Variants in NFYA observed in about 807,000 individuals in gnomAD.
NFYA encodes the protein CAAT-box DNA binding protein subunit A.
A neutral mutation model predicts 52.8 loss-of-function variants in NFYA; 28 were observed. The observed-to-expected ratio is 0.53, with a 90% CI of 0.39 to 0.73. NFYA has a LOEUF of 0.73. NFYA is among the 30% of genes least tolerant of loss of function. The pLI is 0.00. For missense variants in NFYA, 234 were observed against 427.0 expected (o/e 0.55, Z 3.98); for synonymous variants, 150 against 150.7 (o/e 1.00, Z 0.03).
Position 41,080,887 on chromosome 6 carries a change from C to T in NFYA, c.152C>T (p.Thr51Ile). ...TCCGCCTCAGGCCAGCAAGTCCAGA[C>T]CCTCCAGGTAGTGGTACCCTCTCTG... is the stretch of plus-strand genomic sequence containing the variant. ...VASASGQQVQ[T>I]LQVVQGQPLM... is the part of the protein sequence containing the mutation. Residue 51 changes from threonine (T) to isoleucine (I), a missense_variant, in exon 3 of 10, where the codon ACC (threonine) becomes ATC (isoleucine). Thr to Ile is a moderately conservative substitution (Grantham distance 89). Transcript: ENST00000341376. 1 of 1,613,820 alleles carries T rather than the reference C, an allele frequency of 6.2e-7. No individual in the cohort carries two copies. The highest frequency in any genetic ancestry group is 8.5e-7 in the Non-Finnish European group (1 of 1,179,710).
intron 3 of NFYA, among the ~76,000 whole-genome samples, chr6:41,081,215 C>T (rs1031046159): frequency 6.6e-5 from 10 of 152,046 alleles, no homozygotes; most frequent in Non-Finnish European, 1.5e-4. Flanking sequence ...CTCGGCCGGG[C>T]GCGGTGGCTC....
chr6:41,088,393 A>G (rs935468410), intron 4 of NFYA, among the ~76,000 whole-genome samples: 2 of 141,626 alleles, frequency 1.4e-5, no homozygotes, highest in Non-Finnish European at 3.0e-5. Flanking sequence ...ACTGCACTCC[A>G]GCCTGAGCCA....
At position 41,097,560 on chromosome 6, in the gene NFYA, C is replaced by A. The variant is rs558642478; in HGVS notation, c.*150C>A. On this transcript the variant is annotated 3_prime_UTR_variant, in exon 10 of 10. Coordinates refer to ENST00000341376, the MANE Select transcript of NFYA (RefSeq NM_002505.5). ...GTTTTTAATAAGTGGCTCAGTATTA[C>A]AATTGCAGCGATGCCTGGCAAATTG... The A allele has an allele frequency of 3.8e-5, 28 of 731,940 alleles. No homozygotes were observed. The Admixed American group carries it at 5.8e-4, about 15-fold the overall frequency. The allele number at this position is 731,940 out of a possible 1,614,324, so 45.3% of individuals were successfully genotyped here.
chr6:41,072,981 A>AGCGGCAGTGGCG lies in NFYA; in HGVS notation c.-157_-146dup, dbSNP rs1252285275. ...GTTCGGGTTCGCCATTTTGCTAGGC[A>AGCGGCAGTGGCG]GCGGCAGTGGCGGCGGCAGCGGCGG... On this transcript the variant is annotated 5_prime_UTR_variant, in exon 1 of 10. Transcript: ENST00000341376. 1.3e-5 allele frequency: 2 copies of AGCGGCAGTGGCG among 154,972 alleles called. No individual in the cohort carries two copies. Among genetic ancestry groups the AGCGGCAGTGGCG allele is most frequent in the Non-Finnish European group, 2.9e-5 (2 of 69,200 alleles). The allele number at this position is 154,972 out of a possible 1,614,324, so 9.6% of individuals were successfully genotyped here. A position where few individuals can be genotyped will look rare whatever the true frequency, so the allele number is the denominator to read the frequency against.
In NFYA at chr6:41,097,310, G is replaced by A. The variant is rs376622621; in HGVS notation, c.991-47G>A. On this transcript the variant is annotated intron_variant, in intron 9 of 9. Transcript: ENST00000341376. ...TAAGTAGTGAGAGCCATGAGTTCCT[G>A]TTGCTTTTGCAAAGGACTTTAATCA... 1.4e-5 allele frequency: 23 copies of A among 1,588,364 alleles called. No homozygotes were observed. The African/African-American group carries it at 2.4e-4, about 17-fold the overall frequency.
chr6:41,094,563 A>T, intron 9 of NFYA, 66 bp downstream of exon 9: 1 of 1,220,492 alleles, frequency 8.2e-7, no homozygotes, highest in Non-Finnish European at 1.2e-6. Flanking sequence ...TGAAGCCTTC[A>T]GCAGTGTCCT....
chr6:41,095,243 C>G (rs1418592792), intron 9 of NFYA, among the ~76,000 whole-genome samples: 3 of 152,200 alleles, frequency 2.0e-5, no homozygotes, highest in African/African-American at 4.8e-5. Context: ...CTTACATGCT[C>G]CAGCTCCTGT....
Position 41,098,403 on chromosome 6 carries a change from T to C in NFYA, c.*993T>C, listed in dbSNP as rs906931233. On this transcript the variant is annotated 3_prime_UTR_variant, in exon 10 of 10. Transcript: ENST00000341376. The stretch of plus-strand genomic sequence containing the variant: ...GGGAGAGGAAGAGAGAGAGAGAGCA[T>C]GTATACCCGTATGTTATCATAGAGC... 1.3e-5 allele frequency: 2 copies of C among 152,166 alleles called. No individual in the cohort carries two copies. The highest frequency in any genetic ancestry group is 2.9e-5 in the Non-Finnish European group (2 of 68,048). 9.4% of individuals were successfully genotyped at this position (152,166 alleles called of 1,614,324 possible). A position where few individuals can be genotyped will look rare whatever the true frequency, so the allele number is the denominator to read the frequency against.
At chr6:41,095,549 G>C (rs1764326157) in intron 9 of NFYA, among the ~76,000 whole-genome samples, 1 of 152,050 alleles carries the variant, frequency 6.6e-6, no homozygotes, top group Non-Finnish European at 1.5e-5. Flanking sequence ...TCCCACTTTA[G>C]GCTCCCGAGT....
Position 41,084,180 on chromosome 6 carries a change from G to A in NFYA, c.297G>A (p.Gln99=), listed in dbSNP as rs1278572952. 3.7e-6 allele frequency: 6 copies of A among 1,613,776 alleles called. No homozygotes were observed. The African/African-American group carries it at 6.7e-5, about 18-fold the overall frequency. Residue 99 remains glutamine, a synonymous_variant, in exon 4 of 10, where the codon CAG becomes CAA. Coordinates refer to ENST00000341376, the MANE Select transcript of NFYA (RefSeq NM_002505.5). ...TIMQVPVSGT[Q]GLQQIQLVPP... is the part of the protein sequence containing the mutation. ...TGCAAGTACCTGTTTCTGGAACACAGGGTTTGCAGCAAGTGAGTAATATTT... is the reference window on the plus strand; with the variant it reads ...TGCAAGTACCTGTTTCTGGAACACAAGGTTTGCAGCAAGTGAGTAATATTT...
rs1240288472 is a variant in NFYA at position 41,096,832 on chromosome 6, C to G, written c.991-525C>G. Among the ~76,000 whole-genome samples the G allele has an allele frequency of 1.2e-4, 19 of 152,344 alleles. 1 individual carries two copies. In the South Asian group the frequency reaches 3.9e-3, roughly 32 times the overall value. ...GATTTGGGAGTTAGCCCTTGCTGGACTCCTAACTTTCTGACCCTGACCCTA... is the reference window on the plus strand; with the variant it reads ...GATTTGGGAGTTAGCCCTTGCTGGAGTCCTAACTTTCTGACCCTGACCCTA... On this transcript the variant is annotated intron_variant, in intron 9 of 9. Coordinates refer to ENST00000341376, the MANE Select transcript of NFYA (RefSeq NM_002505.5).
intron 9 of NFYA, among the ~76,000 whole-genome samples, chr6:41,095,792 A>G (rs1764337221): frequency 6.6e-6 from 1 of 152,216 alleles, no homozygotes; most frequent in Non-Finnish European, 1.5e-5. Context: ...TTCCTTCACT[A>G]GACTGTAAGT....
intron 7 of NFYA, among the ~76,000 whole-genome samples, chr6:41,092,447 T>G (rs1307359364): frequency 6.6e-6 from 1 of 152,238 alleles, no homozygotes; most frequent in Non-Finnish European, 1.5e-5. Flanking sequence ...AGCTGTGGGG[T>G]ACAGGACTCT....
At position 41,098,213 on chromosome 6, in the gene NFYA, C is replaced by A. The variant is rs1266098768; in HGVS notation, c.*803C>A. The stretch of plus-strand genomic sequence containing the variant: ...TTATTAAACCTTGAAACTGCCTTTC[C>A]TAAGTAGAGAACAAGACTATTCAAC... On this transcript the variant is annotated 3_prime_UTR_variant, in exon 10 of 10. Coordinates refer to ENST00000341376, the MANE Select transcript of NFYA (RefSeq NM_002505.5). 6.6e-6 allele frequency: 1 copy of A among 152,612 alleles called. No homozygotes were observed. The highest frequency in any genetic ancestry group is 2.1e-4 in the South Asian group (1 of 4,834). The allele number at this position is 152,612 out of a possible 1,614,324, so 9.5% of individuals were successfully genotyped here.
In NFYA at chr6:41,090,224, C is replaced by G. The variant is rs1192225130; in HGVS notation, c.462C>G (p.Val154=). 2 of 1,613,262 alleles carry G rather than the reference C, an allele frequency of 1.2e-6. No homozygotes were observed. The highest frequency in any genetic ancestry group is 1.3e-5 in the African/African-American group (1 of 74,896). ...TCCAGACACAGCAGCAGATTGCTGT[C>G]CAGGGACAGCAAGTGGCACAGACTG... ...GQTQTQQQIA[V]QGQQVAQTAE... is the part of the protein sequence containing the mutation. Residue 154 remains valine, a synonymous_variant, in exon 6 of 10, where the codon GTC becomes GTG. Coordinates refer to ENST00000341376, the MANE Select transcript of NFYA (RefSeq NM_002505.5).
intron 8 of NFYA, 98 bp from the exon 9 acceptor site, chr6:41,094,298 C>A: frequency 1.0e-6 from 1 of 996,442 alleles, no homozygotes; most frequent in Non-Finnish European, 1.5e-6. Context: ...ACTTTGATCC[C>A]AGCTGTCTTA....
At position 41,100,639 on chromosome 6, in the gene NFYA, T is replaced by G. The variant is rs1764474285; in HGVS notation, c.*3229T>G. Among the ~76,000 whole-genome samples the G allele has an allele frequency of 1.3e-5, 2 of 152,248 alleles. No homozygotes were observed. Among genetic ancestry groups the G allele is most frequent in the African/African-American group, 4.8e-5 (2 of 41,462 alleles). ...AACTGTGCTTGAGTTTGGCTTAGAT[T>G]TATGCCAGTGGAACCTGTCCTTACC... On this transcript the variant is annotated 3_prime_UTR_variant, in exon 10 of 10. Coordinates refer to ENST00000341376, the MANE Select transcript of NFYA (RefSeq NM_002505.5).
chr6:41,089,829 T>A, intron 5 of NFYA, 119 bp downstream of exon 5: 1 of 1,420,920 alleles, frequency 7.0e-7, no homozygotes, highest in East Asian at 2.4e-5. Context: ...CATAAAAAAA[T>A]ATATTTTTGG....
At chr6:41,090,721 G>A (rs1764177865) in intron 6 of NFYA, among the ~76,000 whole-genome samples, 2 of 152,046 alleles carry the variant, frequency 1.3e-5, no homozygotes, top group African/African-American at 4.8e-5. Flanking sequence ...TACTAAGAAG[G>A]GTCCTCAAAG....
Sources: gnomAD v4.1 joint callset for allele counts (sites outside exome capture counted in the v4.1 genomes callset) on GRCh38, gnomAD v4.1.1 for gene constraint, MANE v1.5 for transcripts, NCBI Gene and HGNC (gene_info 2026-07-23, HGNC 2026-07-21) for gene names.